The following INPP5A variants were observed in gnomAD, a reference collection of about 807,000 sequenced individuals.
The protein encoded by INPP5A is inositol polyphosphate-5-phosphatase A, also known as 43 kDa inositol polyphosphate 5-phophatase.
INPP5A carries 14 observed loss-of-function variants against 65.2 expected under a neutral mutation model. The observed-to-expected ratio is 0.21, with a 90% CI of 0.14 to 0.34. The LOEUF is 0.34. Ranked by LOEUF, INPP5A falls within the 10% of genes least tolerant of loss-of-function variation. The pLI is 1.00. For synonymous variants in INPP5A, 207 were observed against 208.3 expected, an observed-to-expected ratio of 0.99 and a Z score of 0.05; for missense variants, 431 against 545.6, an observed-to-expected ratio of 0.79 and a Z score of 2.09.
chr10:132,752,194 C>T (rs972548938), intron 11 of INPP5A, among the ~76,000 whole-genome samples: 1 of 151,576 alleles, frequency 6.6e-6, no homozygotes, highest in Non-Finnish European at 1.5e-5. Context: ...TTTCAGGGTC[C>T]CTAGCAGAGC....
rs1007104819 is a variant in INPP5A, at chr10:132,563,746, A to C, written c.75+25575A>C. On this transcript the variant is annotated intron_variant, in intron 1 of 15. Coordinates refer to ENST00000368594, the MANE Select transcript of INPP5A (RefSeq NM_005539.5). ...GAAAGCACACCATAAGTTCACCCCG[A>C]CAAGCAAATTGGTTGTTGGTTTTCC... Among the ~76,000 whole-genome samples, 3 of 152,230 alleles carry C rather than the reference A, an allele frequency of 2.0e-5. No homozygotes were observed. In the South Asian group the frequency reaches 6.2e-4, roughly 31 times the overall value.
chr10:132,748,737 T>G (rs7906160), intron 9 of INPP5A, among the ~76,000 whole-genome samples: 2,417 of 152,290 alleles, frequency 0.016, 69 homozygotes, highest in African/African-American at 0.054. Context: ...CGGCACTCAC[T>G]CAGCCTCCCT....
At chr10:132,718,971 C>A (rs1438574130) in intron 8 of INPP5A, among the ~76,000 whole-genome samples, 32 of 115,530 alleles carry the variant, frequency 2.8e-4, no homozygotes, top group Admixed American at 7.0e-4. Context: ...GACTGTCTTG[C>A]GGGTTCTGTG....
intron 1 of INPP5A, among the ~76,000 whole-genome samples, chr10:132,559,972 G>T (rs2071180957): frequency 6.6e-6 from 1 of 152,192 alleles, no homozygotes; most frequent in African/African-American, 2.4e-5. Flanking sequence ...CCTGCTTGTG[G>T]GGTTGCTGTG....
At chr10:132,754,398 G>T (rs892399898) in intron 11 of INPP5A, among the ~76,000 whole-genome samples, 1 of 152,220 alleles carries the variant, frequency 6.6e-6, no homozygotes, top group Non-Finnish European at 1.5e-5. Flanking sequence ...GAGCGATGGG[G>T]ATTCCCAGCC....
chr10:132,766,581 G>A (rs537833317), intron 12 of INPP5A, among the ~76,000 whole-genome samples: 44 of 152,314 alleles, frequency 2.9e-4, no homozygotes, highest in African/African-American at 7.9e-4. Context: ...GTGTGCTCGC[G>A]TACATGGTTG....
At chr10:132,619,098 C>T (rs2072079059) in intron 2 of INPP5A, among the ~76,000 whole-genome samples, 1 of 152,206 alleles carries the variant, frequency 6.6e-6, no homozygotes, top group African/African-American at 2.4e-5. Flanking sequence ...CTTGACTCAC[C>T]TCAGAAGTCC....
At chr10:132,660,258 A>G (rs907280731) in intron 4 of INPP5A, among the ~76,000 whole-genome samples, 2 of 152,228 alleles carry the variant, frequency 1.3e-5, no homozygotes, top group Non-Finnish European at 2.9e-5. Context: ...TCAATGTTGA[A>G]AACTGGAAAA....
At position 132,680,827 on chromosome 10, in the gene INPP5A, C is replaced by A. The variant is rs570156355; in HGVS notation, c.307-9565C>A. ...AGCTGCGGAGGGTGTACTGGGTCCC[C>A]CAGCAGTGCCCACCCACCGGCGCTG... is the stretch of plus-strand genomic sequence containing the variant. On this transcript the variant is annotated intron_variant, in intron 4 of 15. Coordinates refer to ENST00000368594, the MANE Select transcript of INPP5A (RefSeq NM_005539.5). Among the ~76,000 whole-genome samples the A allele has an allele frequency of 3.2e-3, 482 of 152,358 alleles. 6 individuals are homozygous for A. The highest frequency in any genetic ancestry group is 6.8e-3 in the Middle Eastern group (2 of 294).
chr10:132,770,373 C>T (rs1425613765), intron 12 of INPP5A, among the ~76,000 whole-genome samples: 1 of 152,254 alleles, frequency 6.6e-6, no homozygotes, highest in Non-Finnish European at 1.5e-5. Context: ...GGCCGTGGTG[C>T]TGTGCATAGT....
chr10:132,629,868 G>C (rs2072241597), intron 2 of INPP5A, among the ~76,000 whole-genome samples: 2 of 152,146 alleles, frequency 1.3e-5, no homozygotes, highest in Non-Finnish European at 2.9e-5. Flanking sequence ...AGGGGAAGCT[G>C]CCCTCCAGGG....
intron 13 of INPP5A, among the ~76,000 whole-genome samples, chr10:132,779,775 G>A (rs925783116): frequency 2.6e-5 from 4 of 152,184 alleles, no homozygotes; most frequent in African/African-American, 9.7e-5. Flanking sequence ...CATGACACGC[G>A]CCGTCACCTC....
intron 2 of INPP5A, among the ~76,000 whole-genome samples, chr10:132,617,086 T>C (rs927352751): frequency 6.6e-6 from 1 of 152,132 alleles, no homozygotes; most frequent in African/African-American, 2.4e-5. Flanking sequence ...GCAGGCTCTC[T>C]CTCCCTCCAT....
chr10:132,594,016 T>C (rs967435477), intron 1 of INPP5A, among the ~76,000 whole-genome samples: 1 of 152,224 alleles, frequency 6.6e-6, no homozygotes, highest in Non-Finnish European at 1.5e-5. Context: ...AGTCACTCGC[T>C]TGCTTACTAT....
At chr10:132,631,612 T>A (rs2072274467) in intron 2 of INPP5A, among the ~76,000 whole-genome samples, 1 of 152,226 alleles carries the variant, frequency 6.6e-6, no homozygotes, top group African/African-American at 2.4e-5. Context: ...GCTGTTGCTA[T>A]TTTTAACACC....
At chr10:132,748,750 C>T (rs760856349) in intron 9 of INPP5A, among the ~76,000 whole-genome samples, 9 of 152,246 alleles carry the variant, frequency 5.9e-5, no homozygotes, top group Non-Finnish European at 8.8e-5. Flanking sequence ...GCCTCCCTCT[C>T]CTCTGCTGCC....
chr10:132,614,482 TAAAC>T (rs1417098078), intron 2 of INPP5A, among the ~76,000 whole-genome samples: 4 of 152,042 alleles, frequency 2.6e-5, no homozygotes, highest in South Asian at 2.1e-4. Context: ...AATAAATAGA[TAAAC>T]AAAGCTGCAG....
intron 12 of INPP5A, among the ~76,000 whole-genome samples, chr10:132,773,106 C>T (rs974560314): frequency 9.2e-5 from 14 of 152,230 alleles, no homozygotes; most frequent in Admixed American, 7.8e-4. Context: ...TGTGGGCCGG[C>T]GCAGGGTGCG....
In INPP5A at chr10:132,663,493, T is replaced by C. The variant is rs1422656497; in HGVS notation, c.306+12988T>C. Among the ~76,000 whole-genome samples the C allele has an allele frequency of 1.3e-5, 2 of 152,224 alleles. No homozygotes were observed. Among genetic ancestry groups the C allele is most frequent in the African/African-American group, 4.8e-5 (2 of 41,458 alleles). On this transcript the variant is annotated intron_variant, in intron 4 of 15. Coordinates refer to ENST00000368594, the MANE Select transcript of INPP5A (RefSeq NM_005539.5). This position sits in a 1 kb window ranked among gnomAD's most constrained non-coding sequence, Gnocchi z 4.5. The stretch of plus-strand genomic sequence containing the variant: ...GCCTTGGCCTCTCAAAGTGCTGGGA[T>C]TACAGGTGCGAACCACTGTGCCCTG...
Sources: gnomAD v4.1 joint callset for allele counts (sites outside exome capture counted in the v4.1 genomes callset) on GRCh38, gnomAD v4.1.1 for gene constraint, Gnocchi (gnomAD v3.1) non-coding constraint, MANE v1.5 for transcripts, NCBI Gene and HGNC (gene_info 2026-07-23, HGNC 2026-07-21) for gene names.